The following EYS variants were observed in gnomAD, a reference collection of about 807,000 sequenced individuals.
The protein encoded by EYS is protein eyes shut homolog.
Under a neutral mutation model 282.1 loss-of-function variants are expected in EYS, and 250 were observed. The observed-to-expected ratio is 0.89, with a 90% CI of 0.80 to 0.98. The LOEUF (loss-of-function observed/expected upper bound fraction) is 0.98. Ranked by LOEUF, EYS falls within the 50% of genes least tolerant of loss-of-function variation. The pLI, the probability that EYS is intolerant of heterozygous loss-of-function variation, is 0.00. For missense variants in EYS, 4,016 were observed against 3,709.0 expected, an observed-to-expected ratio of 1.08 and a Z score of -2.15; for synonymous variants, 1,355 against 1,282.9, an observed-to-expected ratio of 1.06 and a Z score of -1.20.
chr6:65,643,599 ACCTCCTGCCTGGAG>A (rs1767351956), intron 1 of EYS, among the ~76,000 whole-genome samples: 1 of 152,152 alleles, frequency 6.6e-6, no homozygotes, highest in African/African-American at 2.4e-5. Flanking sequence ...TGAAAGTGCC[ACCTCCTGCCTGGAG>A]GGCAACCAAC....
intron 15 of EYS, among the ~76,000 whole-genome samples, chr6:64,913,011 G>A (rs1194451084): frequency 6.6e-6 from 1 of 152,138 alleles, no homozygotes; most frequent in Non-Finnish European, 1.5e-5. Context: ...AGACATGTCA[G>A]AGAACAACTA....
chr6:64,950,798 C>CAT (rs1171736217), intron 14 of EYS, among the ~76,000 whole-genome samples: 615 of 54,208 alleles, frequency 0.011, 3 homozygotes, highest in East Asian at 0.035. Context: ...TATACATATA[C>CAT]ATATATATAT....
intron 22 of EYS, among the ~76,000 whole-genome samples, chr6:64,627,087 C>T (rs1037661065): frequency 5.9e-5 from 9 of 152,206 alleles, no homozygotes; most frequent in South Asian, 2.1e-4. Context: ...ATGGAGGATC[C>T]ACAATATTGA....
At chr6:64,398,349 T>C (rs370717836) in intron 28 of EYS, among the ~76,000 whole-genome samples, 2 of 152,056 alleles carry the variant, frequency 1.3e-5, no homozygotes, top group African/African-American at 4.8e-5. Context: ...ATGGATTAAA[T>C]AGGACAATCC....
chr6:64,823,771 A>G (rs566475669), intron 19 of EYS, among the ~76,000 whole-genome samples: 1 of 151,978 alleles, frequency 6.6e-6, no homozygotes, highest in Admixed American at 6.6e-5. Context: ...AATTTAAATC[A>G]TGTTTCCTCT....
At chr6:65,428,624 C>T (rs1201104615) in intron 5 of EYS, among the ~76,000 whole-genome samples, 1 of 152,004 alleles carries the variant, frequency 6.6e-6, no homozygotes, top group Non-Finnish European at 1.5e-5. Context: ...AGATAATGGA[C>T]TGACCACTTC....
chr6:63,776,610 G>A lies in EYS; in HGVS notation c.7898+1396C>T, dbSNP rs1033054968. On this transcript the variant is annotated intron_variant, in intron 40 of 42. Transcript: ENST00000503581. ...ATTGTAAGGTATTACGTTTAATATC[G>A]GAACTCAATAAAATTTCTATATTAA... 1.3e-5 allele frequency among the ~76,000 whole-genome samples: 2 copies of A among 152,046 alleles called. 1 individual carries two copies. Among genetic ancestry groups the A allele is most frequent in the South Asian group, 4.1e-4 (2 of 4,822 alleles).
intron 2 of EYS, among the ~76,000 whole-genome samples, chr6:65,601,713 T>A (rs1765623309): frequency 6.6e-6 from 1 of 151,916 alleles, no homozygotes; most frequent in Non-Finnish European, 1.5e-5. Flanking sequence ...TTAGTAAAAC[T>A]GCAGCTGTTT....
intron 11 of EYS, among the ~76,000 whole-genome samples, chr6:65,319,691 G>A (rs1376175150): frequency 1.3e-5 from 2 of 152,162 alleles, no homozygotes; most frequent in Non-Finnish European, 2.9e-5. Context: ...CAGTGATACA[G>A]ATAGATGGAT....
intron 1 of EYS, among the ~76,000 whole-genome samples, chr6:65,699,913 G>C (rs1769598567): frequency 6.6e-6 from 1 of 151,616 alleles, no homozygotes; most frequent in Non-Finnish European, 1.5e-5. Flanking sequence ...AGGAGATCGA[G>C]ACCATCCTGG....
At chr6:65,322,978 C>G (rs1034399464) in intron 11 of EYS, among the ~76,000 whole-genome samples, 1 of 151,870 alleles carries the variant, frequency 6.6e-6, no homozygotes, top group Non-Finnish European at 1.5e-5. Flanking sequence ...AGATAATACC[C>G]ACAAAATATT....
chr6:65,208,532 C>A (rs1447776512), intron 12 of EYS, among the ~76,000 whole-genome samples: 2 of 151,798 alleles, frequency 1.3e-5, no homozygotes, highest in Non-Finnish European at 3.0e-5. Flanking sequence ...TTCACCAGAG[C>A]AAAGTCACGG....
intron 9 of EYS, among the ~76,000 whole-genome samples, chr6:65,351,960 T>G (rs1490830838): frequency 6.6e-6 from 1 of 151,848 alleles, no homozygotes; most frequent in Non-Finnish European, 1.5e-5. Context: ...TAACCTCAAC[T>G]ATATTTATTT....
intron 5 of EYS, among the ~76,000 whole-genome samples, chr6:65,440,902 A>G (rs1052793934): frequency 4.1e-5 from 6 of 146,930 alleles, no homozygotes; most frequent in African/African-American, 1.5e-4. Flanking sequence ...TTTATGTATA[A>G]TATATATATA....
chr6:65,707,008 GT>G (rs1561915015), intron 1 of EYS, 126 bp downstream of exon 1: 1 of 152,104 alleles, frequency 6.6e-6, no homozygotes, highest in Non-Finnish European at 1.5e-5. Flanking sequence ...TATATAATAA[GT>G]AAAAATAACT....
chr6:64,603,053 C>G (rs1766811520), intron 24 of EYS, among the ~76,000 whole-genome samples: 1 of 151,926 alleles, frequency 6.6e-6, no homozygotes, highest in African/African-American at 2.4e-5. Flanking sequence ...AAGGCTAGGA[C>G]ATTAGAATAT....
chr6:64,686,742 A>AATATAT (rs758136941), intron 22 of EYS, among the ~76,000 whole-genome samples: 4 of 33,712 alleles, frequency 1.2e-4, no homozygotes, highest in South Asian at 1.2e-3. Flanking sequence ...ATTCCATCTA[A>AATATAT]ATATATATAT....
chr6:64,486,619 A>T (rs1776585049), intron 26 of EYS, among the ~76,000 whole-genome samples: 1 of 151,422 alleles, frequency 6.6e-6, no homozygotes, highest in Non-Finnish European at 1.5e-5. Flanking sequence ...TATAAACTTC[A>T]ATTAGAAGCT....
intron 35 of EYS, among the ~76,000 whole-genome samples, chr6:63,870,985 G>C (rs969634749): frequency 1.3e-5 from 2 of 152,168 alleles, no homozygotes; most frequent in Non-Finnish European, 2.9e-5. Flanking sequence ...TCTCTGCTCA[G>C]AGGAAGTGAC....
Sources: gnomAD v4.1 joint callset for allele counts (sites outside exome capture counted in the v4.1 genomes callset) on GRCh38, gnomAD v4.1.1 for gene constraint, MANE v1.5 for transcripts, NCBI Gene and HGNC (gene_info 2026-07-23, HGNC 2026-07-21) for gene names.